The following CNTN2 variants were observed in gnomAD, a reference collection of about 807,000 sequenced individuals.
CNTN2 encodes the protein contactin 2, also known as contactin-2.
A neutral mutation model predicts 117.5 loss-of-function variants in CNTN2; 53 were observed. That is an observed-to-expected ratio of 0.45 (90% CI 0.36 to 0.57). CNTN2 has a LOEUF of 0.57. Ranked by LOEUF, CNTN2 falls within the 20% of genes least tolerant of loss-of-function variation. CNTN2 has a pLI of 0.00. For missense variants in CNTN2, 1,106 were observed against 1,404.3 expected, an observed-to-expected ratio of 0.79 and a Z score of 3.39; for synonymous variants, 530 against 561.7, an observed-to-expected ratio of 0.94 and a Z score of 0.80.
rs1654858997 is a variant in CNTN2 at position 205,076,255 on chromosome 1, C to T, written c.*2490C>T. ...ATAGAACGACAACAAAATAAATGTT[C>T]CTGCAGCCTGAGATTTCAGGTAGAG... On this transcript the variant is annotated 3_prime_UTR_variant, in exon 23 of 23. Coordinates refer to ENST00000331830, the MANE Select transcript of CNTN2 (RefSeq NM_005076.5). 1 of 152,154 alleles carries T rather than the reference C, an allele frequency of 6.6e-6. No homozygotes were observed. Among genetic ancestry groups the T allele is most frequent in the Non-Finnish European group, 1.5e-5 (1 of 68,034 alleles). 9.4% of individuals were successfully genotyped at this position (152,154 alleles called of 1,614,324 possible). A position where few individuals can be genotyped will look rare whatever the true frequency, so the allele number is the denominator to read the frequency against.
chr1:205,064,423 G>A lies in CNTN2; in HGVS notation c.1342G>A (p.Ala448Thr). 1 of 1,612,900 alleles carries A rather than the reference G, an allele frequency of 6.2e-7. No individual in the cohort carries two copies. The highest frequency in any genetic ancestry group is 8.5e-7 in the Non-Finnish European group (1 of 1,179,040). Residue 448 changes from alanine (A) to threonine (T), a missense_variant, in exon 11 of 23, where the codon GCC (alanine) becomes ACC (threonine). Transcript: ENST00000331830. ...IPCQPRAAPK[A>T]VVLWSKGTEI... is the part of the protein sequence containing the mutation. The stretch of plus-strand genomic sequence containing the variant: ...CTGCCAGCCCCGGGCAGCTCCAAAG[G>A]CCGTGGTGCTCTGGAGCAAAGGCAC...
rs1654943441 is a variant in CNTN2 at position 205,078,030 on chromosome 1, GTTATCATCAGGC to G, written c.*4267_*4278del. On this transcript the variant is annotated 3_prime_UTR_variant, in exon 23 of 23. Coordinates refer to ENST00000331830, the MANE Select transcript of CNTN2 (RefSeq NM_005076.5). ...GGGGAAGCTGGCACGAGCTGTGGGT[GTTATCATCAGGC>G]TAAAGCATACCTCCTTGTCCTGTTC... is the stretch of plus-strand genomic sequence containing the variant. 2 of 152,202 alleles carry G rather than the reference GTTATCATCAGGC, an allele frequency of 1.3e-5. No individual in the cohort carries two copies. The highest frequency in any genetic ancestry group is 1.3e-4 in the Admixed American group (2 of 15,282). The allele number at this position is 152,202 out of a possible 1,614,324, so 9.4% of individuals were successfully genotyped here.
rs200893856 is a variant in CNTN2 at position 205,061,268 on chromosome 1, G to A, written c.821G>A (p.Arg274His). The stretch of plus-strand genomic sequence containing the variant: ...AGCCCTGTCCCCCGGATCAAGTGGC[G>A]CAAAGTGGACGGCTCCCTGTCCCCG... ...FGNPVPRIKW[R>H]KVDGSLSPQW... is the part of the protein sequence containing the mutation. The change falls in exon 8 of 23, where the codon CGC becomes CAC. Residue 274 changes from arginine (R) to histidine (H), a missense_variant. Coordinates refer to ENST00000331830, the MANE Select transcript of CNTN2 (RefSeq NM_005076.5). This position sits in a 1 kb window ranked among gnomAD's most constrained non-coding sequence, Gnocchi z 4.8. The A allele has an allele frequency of 8.4e-5, 135 of 1,612,488 alleles. 1 individual carries two copies. The highest frequency in any genetic ancestry group is 2.7e-4 in the South Asian group (25 of 91,010).
rs1217605044 is a variant in CNTN2 at position 205,075,573 on chromosome 1, T to A, written c.*1808T>A. On this transcript the variant is annotated 3_prime_UTR_variant, in exon 23 of 23. Transcript: ENST00000331830. ...TCTATTTTGTTATGGTTTTTTAAAC[T>A]TTTAAGTCCTGCTCTATTTTCCTGG... The A allele has an allele frequency of 6.6e-6, 1 of 152,662 alleles. No individual in the cohort carries two copies. Among genetic ancestry groups the A allele is most frequent in the Non-Finnish European group, 1.5e-5 (1 of 68,042 alleles). 9.5% of individuals were successfully genotyped at this position (152,662 alleles called of 1,614,324 possible).
Position 205,070,448 on chromosome 1 carries a change from G to T in CNTN2, c.2454G>T (p.Lys818Asn). The change falls in exon 19 of 23, where the codon AAG becomes AAT. Residue 818 changes from lysine to asparagine, a missense_variant. Physicochemically the swap from Lys to Asn is moderately conservative, Grantham distance 94 (BLOSUM62 0). Coordinates refer to ENST00000331830, the MANE Select transcript of CNTN2 (RefSeq NM_005076.5). ...CAGAGCCCAGGGTGGCCCCTACCAAGGTGTGGGCCAAAGGGGTCTCATCCT... is the reference window on the plus strand; with the variant it reads ...CAGAGCCCAGGGTGGCCCCTACCAATGTGTGGGCCAAAGGGGTCTCATCCT... ...AEEEPRVAPT[K>N]VWAKGVSSSE... 1 of 1,613,908 alleles carries T rather than the reference G, an allele frequency of 6.2e-7. No individual in the cohort carries two copies. Among genetic ancestry groups the T allele is most frequent in the Non-Finnish European group, 8.5e-7 (1 of 1,179,930 alleles).
chr1:205,043,950 G>T lies in CNTN2; in HGVS notation c.-87+556G>T, dbSNP rs550594878. 1.9e-3 allele frequency among the ~76,000 whole-genome samples: 292 copies of T among 152,286 alleles called. 3 individuals are homozygous for T. The highest frequency in any genetic ancestry group is 6.6e-3 in the African/African-American group (274 of 41,558). ...AGGGGAGAGTGGAGCACAAGTTTGGGCAAGGGCCTGTCCAGGAACTGGGAC... is the reference window on the plus strand; with the variant it reads ...AGGGGAGAGTGGAGCACAAGTTTGGTCAAGGGCCTGTCCAGGAACTGGGAC... On this transcript the variant is annotated intron_variant, in intron 1 of 22. Transcript: ENST00000331830.
At chr1:205,057,253 C>T (rs1277155420) in intron 2 of CNTN2, 1 of 152,300 alleles carries the variant, frequency 6.6e-6, no homozygotes, top group African/African-American at 2.4e-5. Flanking sequence ...TTCCCAAGGT[C>T]CCACAGCTAG....
At chr1:205,045,734 A>G (rs986996661) in intron 1 of CNTN2, among the ~76,000 whole-genome samples, 3 of 152,182 alleles carry the variant, frequency 2.0e-5, no homozygotes, top group African/African-American at 7.2e-5. Context: ...AGCAAAGAAT[A>G]TGCCAGGGAA....
rs1247705377 is a variant in CNTN2 at position 205,064,476 on chromosome 1, C to A, written c.1391+4C>A. On this transcript the variant is annotated splice_donor_region_variant and intron_variant, in intron 11 of 22. Transcript: ENST00000331830. ...AGATTTTGGTCAACAGCAGCAGGTA[C>A]CACCCACACCCCACCCTGCACAGTT... 6.2e-7 allele frequency: 1 copy of A among 1,603,962 alleles called. No homozygotes were observed. The highest frequency in any genetic ancestry group is 1.7e-5 in the Admixed American group (1 of 59,660).
In CNTN2 at chr1:205,073,448, C is replaced by T. The variant is rs1345278668; in HGVS notation, c.3014-208C>T. 2.8e-5 allele frequency: 21 copies of T among 745,212 alleles called. No individual in the cohort carries two copies. Among genetic ancestry groups the T allele is most frequent in the Non-Finnish European group, 4.3e-5 (20 of 464,590 alleles). The allele number at this position is 745,212 out of a possible 1,614,324, so 46.2% of individuals were successfully genotyped here. A position where few individuals can be genotyped will look rare whatever the true frequency, so the allele number is the denominator to read the frequency against. On this transcript the variant is annotated intron_variant, in intron 22 of 22. Transcript: ENST00000331830. This position sits in a 1 kb window ranked among gnomAD's most constrained non-coding sequence, Gnocchi z 6.3. The stretch of plus-strand genomic sequence containing the variant: ...CATCCCCGAGGGCCAGGGAAGGGCG[C>T]AGGGTGCAGGGGGAGGCTGAGGACC...
chr1:205,043,592 T>A (rs1450159485), intron 1 of CNTN2, among the ~76,000 whole-genome samples, 198 bp downstream of exon 1: 2 of 152,086 alleles, frequency 1.3e-5, no homozygotes, highest in Non-Finnish European at 2.9e-5. Context: ...CCCTCCGCCC[T>A]GTCTACGTGG....
chr1:205,069,365 G>A (rs927348060), intron 16 of CNTN2, 126 bp from the exon 17 acceptor site: 2 of 815,506 alleles, frequency 2.5e-6, no homozygotes, highest in South Asian at 1.8e-5. Context: ...GGGACCACTG[G>A]GGGGCAAACC....
At position 205,059,734 on chromosome 1, in the gene CNTN2, T is replaced by G; in HGVS notation, c.797+52T>G. The G allele has an allele frequency of 2.0e-6, 3 of 1,523,532 alleles. No individual in the cohort carries two copies. The highest frequency in any genetic ancestry group is 9.1e-7 in the Non-Finnish European group (1 of 1,100,086). The allele number at this position is 1,523,532 out of a possible 1,614,324, so 94.4% of individuals were successfully genotyped here. On this transcript the variant is annotated intron_variant, in intron 7 of 22. Coordinates refer to ENST00000331830, the MANE Select transcript of CNTN2 (RefSeq NM_005076.5). The surrounding 1 kb of genome is among the most constrained non-coding windows in gnomAD (Gnocchi z 5.6). Reference sequence around the variant, plus strand: ...GAGCACGGTCTCTCGGGGGCACAGGTGACCCCAGGGTGAGGGCAGGCAGAG... The same window carrying G: ...GAGCACGGTCTCTCGGGGGCACAGGGGACCCCAGGGTGAGGGCAGGCAGAG...
chr1:205,070,436 G>T lies in CNTN2; in HGVS notation c.2442G>T (p.Val814=). The T allele has an allele frequency of 6.2e-7, 1 of 1,613,134 alleles. No homozygotes were observed. Among genetic ancestry groups the T allele is most frequent in the South Asian group, 1.1e-5 (1 of 90,916 alleles). The change falls in exon 19 of 23, where the codon GTG becomes GTT. Residue 814 remains valine, a synonymous_variant. Transcript: ENST00000331830. ...LVYSAEEEPR[V]APTKVWAKGV... ...TGTATTGGTCCCCAGAGCCCAGGGT[G>T]GCCCCTACCAAGGTGTGGGCCAAAG...
intron 1 of CNTN2, among the ~76,000 whole-genome samples, chr1:205,051,284 A>G (rs565248243): frequency 7.2e-5 from 11 of 152,250 alleles, no homozygotes; most frequent in Non-Finnish European, 1.2e-4. Context: ...GCAGGGTACC[A>G]AAGCTGTAGT....
At position 205,061,977 on chromosome 1, in the gene CNTN2, G is replaced by T; in HGVS notation, c.1086G>T (p.Arg362=). 2.5e-6 allele frequency: 4 copies of T among 1,613,382 alleles called. No homozygotes were observed. Among genetic ancestry groups the T allele is most frequent in the Non-Finnish European group, 3.4e-6 (4 of 1,179,798 alleles). The part of the protein sequence containing the change: ...GKPRPTVRWL[R]NGEPLASQNR... ...CCCGGCCTACAGTGCGCTGGCTGCG[G>T]AACGGGGAGCCTCTGGCCTCCCAGG... The change falls in exon 9 of 23, where the codon CGG becomes CGT. Residue 362 remains arginine (R), a synonymous_variant. Transcript: ENST00000331830. This position sits in a 1 kb window ranked among gnomAD's most constrained non-coding sequence, Gnocchi z 4.8.
At position 205,073,990 on chromosome 1, in the gene CNTN2, C is replaced by G; in HGVS notation, c.*225C>G. 1.7e-6 allele frequency: 1 copy of G among 600,340 alleles called. No homozygotes were observed. Among genetic ancestry groups the G allele is most frequent in the Non-Finnish European group, 3.0e-6 (1 of 337,048 alleles). 37.2% of individuals were successfully genotyped at this position (600,340 alleles called of 1,614,324 possible). On this transcript the variant is annotated 3_prime_UTR_variant, in exon 23 of 23. Transcript: ENST00000331830. This position sits in a 1 kb window ranked among gnomAD's most constrained non-coding sequence, Gnocchi z 6.3. ...TAAATTGAGAGGCACCAGGCAGTAA[C>G]TTCCATGATGACACTGACGCCTATA...
Position 205,072,526 on chromosome 1 carries a change from C to T in CNTN2, c.2775C>T (p.Ser925=). 6.2e-7 allele frequency: 1 copy of T among 1,614,180 alleles called. No homozygotes were observed. Among genetic ancestry groups the T allele is most frequent in the Middle Eastern group, 1.6e-4 (1 of 6,062 alleles). The part of the protein sequence containing the change: ...PPGNISWTFS[S]SSLSIKWDPV... ...GCAACATCTCCTGGACTTTCTCAAG[C>T]TCTAGTCTTAGCATTAAGTGGGACC... The change falls in exon 21 of 23, where the codon AGC becomes AGT. Residue 925 remains serine (S), a synonymous_variant. Coordinates refer to ENST00000331830, the MANE Select transcript of CNTN2 (RefSeq NM_005076.5).
Position 205,073,801 on chromosome 1 carries a change from C to T in CNTN2, c.*36C>T. The stretch of plus-strand genomic sequence containing the variant: ...CCTCCCTCTGCGCCGCAGCTGGACG[C>T]CACCTCCGACGGACACAGCCAGCCC... On this transcript the variant is annotated 3_prime_UTR_variant, in exon 23 of 23. Transcript: ENST00000331830. The surrounding 1 kb of genome is among the most constrained non-coding windows in gnomAD (Gnocchi z 6.3). The T allele has an allele frequency of 1.3e-6, 2 of 1,546,588 alleles. No homozygotes were observed. Among genetic ancestry groups the T allele is most frequent in the Non-Finnish European group, 8.9e-7 (1 of 1,124,672 alleles).
Sources: gnomAD v4.1 joint callset for allele counts (sites outside exome capture counted in the v4.1 genomes callset) on GRCh38, gnomAD v4.1.1 for gene constraint, Gnocchi (gnomAD v3.1) non-coding constraint, MANE v1.5 for transcripts, NCBI Gene and HGNC (gene_info 2026-07-23, HGNC 2026-07-21) for gene names.